Variants in CSMD1 observed in about 807,000 individuals in gnomAD.
CSMD1 encodes the protein CUB and sushi domain-containing protein 1.
Under a neutral mutation model 417.5 loss-of-function variants are expected in CSMD1, and 213 were observed. That is an observed-to-expected ratio of 0.51 (90% CI 0.46 to 0.57). The LOEUF is 0.57. CSMD1 is among the 20% of genes least tolerant of loss of function. The probability of loss-of-function intolerance (pLI) is 0.00; values close to 1 mark genes in which losing one functional copy is unlikely to be tolerated. For synonymous variants in CSMD1, 2,862 were observed against 1,736.8 expected (o/e 1.65, Z -16.11); for missense variants, 6,923 against 4,529.7 (o/e 1.53, Z -15.17).
At chr8:4,489,253 CT>C (rs1801576363) in intron 2 of CSMD1, among the ~76,000 whole-genome samples, 1 of 152,132 alleles carries the variant, frequency 6.6e-6, no homozygotes, top group Non-Finnish European at 1.5e-5. Flanking sequence ...AGGTGCCCTC[CT>C]TTTTCTAAGA....
rs924908848 is a variant in CSMD1, at chr8:4,709,946, C to T, written c.86-72388G>A. Among the ~76,000 whole-genome samples, 3 of 152,208 alleles carry T rather than the reference C, an allele frequency of 2.0e-5. No individual in the cohort carries two copies. In the East Asian group the frequency reaches 5.8e-4, roughly 29 times the overall value. Reference sequence around the variant, plus strand: ...TAGAAACCATAAGAAAAAACAGGGTCTTGGAAGAAAATATCAGGTCGATTT... The same window carrying T: ...TAGAAACCATAAGAAAAAACAGGGTTTTGGAAGAAAATATCAGGTCGATTT... On this transcript the variant is annotated intron_variant, in intron 1 of 69. Coordinates refer to ENST00000635120, the MANE Select transcript of CSMD1 (RefSeq NM_033225.6).
At chr8:3,522,368 G>T (rs899494828) in intron 10 of CSMD1, among the ~76,000 whole-genome samples, 1 of 152,196 alleles carries the variant, frequency 6.6e-6, no homozygotes, top group Non-Finnish European at 1.5e-5. Flanking sequence ...ATGTATGTCA[G>T]GAACAAGTAT....
chr8:4,598,993 C>G (rs1800434914), intron 2 of CSMD1, among the ~76,000 whole-genome samples: 1 of 151,978 alleles, frequency 6.6e-6, no homozygotes, highest in African/African-American at 2.4e-5. Context: ...GTTACGTGTA[C>G]CAGAAAAATT....
At chr8:4,744,401 G>A (rs558120302) in intron 1 of CSMD1, among the ~76,000 whole-genome samples, 3 of 152,192 alleles carry the variant, frequency 2.0e-5, no homozygotes, top group Admixed American at 2.0e-4. Context: ...TCTCAGTTCG[G>A]TTCTAGCCTG....
At chr8:4,449,601 A>G (rs947171969) in intron 2 of CSMD1, among the ~76,000 whole-genome samples, 2 of 152,192 alleles carry the variant, frequency 1.3e-5, no homozygotes, top group East Asian at 1.9e-4. Flanking sequence ...GAGATAATCA[A>G]TATTCACTGC....
chr8:2,976,588 A>G (rs1244070190), intron 55 of CSMD1, among the ~76,000 whole-genome samples: 20 of 152,138 alleles, frequency 1.3e-4, no homozygotes, highest in Admixed American at 1.3e-3. Flanking sequence ...GCCTCAAGAG[A>G]TCCACCTTCC....
At chr8:3,731,545 T>A (rs900272331) in intron 6 of CSMD1, among the ~76,000 whole-genome samples, 1 of 152,058 alleles carries the variant, frequency 6.6e-6, no homozygotes, top group African/African-American at 2.4e-5. Context: ...ATGGCTGGGG[T>A]GATTTGATTC....
At chr8:4,019,369 A>G (rs966088581) in intron 4 of CSMD1, among the ~76,000 whole-genome samples, 2 of 152,056 alleles carry the variant, frequency 1.3e-5, no homozygotes, top group African/African-American at 2.4e-5. Flanking sequence ...GTTCCCATAC[A>G]TCTCCGTGAA....
chr8:4,597,789 G>A (rs556315239), intron 2 of CSMD1, among the ~76,000 whole-genome samples: 239 of 152,204 alleles, frequency 1.6e-3, no homozygotes, highest in African/African-American at 5.7e-3. Flanking sequence ...TCATAGGCCA[G>A]TCACTGTGCT....
At chr8:3,941,842 C>G (rs776127763) in intron 5 of CSMD1, among the ~76,000 whole-genome samples, 2 of 152,118 alleles carry the variant, frequency 1.3e-5, no homozygotes, top group South Asian at 2.1e-4. Context: ...ATTCCTTAAA[C>G]CAAAAGGGTC....
chr8:3,682,170 C>T (rs372628602), intron 7 of CSMD1, among the ~76,000 whole-genome samples: 201 of 152,204 alleles, frequency 1.3e-3, no homozygotes, highest in East Asian at 8.9e-3. Flanking sequence ...GCAATGGCAA[C>T]AAAAGCCAAA....
chr8:4,823,034 T>C (rs370884245), intron 1 of CSMD1, among the ~76,000 whole-genome samples: 1 of 152,140 alleles, frequency 6.6e-6, no homozygotes, highest in African/African-American at 2.4e-5. Context: ...ATTCCATCAC[T>C]GTGTCTGTGA....
At chr8:4,276,894 A>G (rs1037466137) in intron 3 of CSMD1, among the ~76,000 whole-genome samples, 5 of 152,224 alleles carry the variant, frequency 3.3e-5, no homozygotes, top group African/African-American at 1.2e-4. Context: ...ATACATAGTT[A>G]AAATATGTAA....
At chr8:4,965,317 A>C (rs1809789320) in intron 1 of CSMD1, among the ~76,000 whole-genome samples, 1 of 152,222 alleles carries the variant, frequency 6.6e-6, no homozygotes, top group South Asian at 2.1e-4. Context: ...CAAATGCTTT[A>C]CATGTATTAC....
chr8:3,137,547 T>C (rs931745927), intron 41 of CSMD1, among the ~76,000 whole-genome samples: 2 of 152,206 alleles, frequency 1.3e-5, no homozygotes, highest in Non-Finnish European at 2.9e-5. Flanking sequence ...CCTTTAAACA[T>C]AGAAATACAG....
intron 43 of CSMD1, among the ~76,000 whole-genome samples, chr8:3,109,027 G>T (rs755080120): frequency 2.0e-5 from 3 of 152,172 alleles, no homozygotes; most frequent in Admixed American, 6.5e-5. Context: ...CACTTTGGGA[G>T]GCCAAGGCAG....
chr8:3,080,101 C>G (rs1313754567), intron 49 of CSMD1, among the ~76,000 whole-genome samples: 1 of 152,174 alleles, frequency 6.6e-6, no homozygotes, highest in Non-Finnish European at 1.5e-5. Flanking sequence ...AAACTCCACT[C>G]CAAGCAAAAG....
intron 3 of CSMD1, among the ~76,000 whole-genome samples, chr8:4,311,966 G>T (rs7008640): frequency 1.3e-5 from 2 of 151,732 alleles, no homozygotes; most frequent in Admixed American, 1.3e-4. Context: ...CTGAAACTTA[G>T]AAAACAAAAT....
At chr8:4,826,746 A>C (rs1275468930) in intron 1 of CSMD1, among the ~76,000 whole-genome samples, 1 of 152,028 alleles carries the variant, frequency 6.6e-6, no homozygotes, top group African/African-American at 2.4e-5. Context: ...CAATGGAGAG[A>C]CAGTTCTGTT....
Sources: gnomAD v4.1 joint callset for allele counts (sites outside exome capture counted in the v4.1 genomes callset) on GRCh38, gnomAD v4.1.1 for gene constraint, MANE v1.5 for transcripts, NCBI Gene and HGNC (gene_info 2026-07-23, HGNC 2026-07-21) for gene names.